The following CRLF2 variants were observed in gnomAD, a reference collection of about 807,000 sequenced individuals.
The protein encoded by CRLF2 is cytokine receptor-like factor 2.
Under a neutral mutation model 38.7 loss-of-function variants are expected in CRLF2, and 41 were observed. That is an observed-to-expected ratio of 1.06 (90% CI 0.83 to 1.37). The LOEUF (loss-of-function observed/expected upper bound fraction) is 1.37. Ranked by LOEUF, CRLF2 falls within the 40% of genes most tolerant of loss-of-function variation. CRLF2 has a pLI of 0.00. For missense variants in CRLF2, 377 were observed against 322.2 expected (o/e 1.17, Z -1.30); for synonymous variants, 140 against 128.8 (o/e 1.09, Z -0.59).
At chrX:1,208,169 A>T (rs1314633642) in intron 2 of CRLF2, among the ~76,000 whole-genome samples, 1 of 152,134 alleles carries the variant, frequency 6.6e-6, no homozygotes, top group Non-Finnish European at 1.5e-5. Flanking sequence ...TCAGAGACTG[A>T]GTCTTTCCCT....
At position 1,206,590 on chromosome X, in the gene CRLF2, A is replaced by G. The variant is rs751296874; in HGVS notation, c.192T>C (p.Gly64=). Residue 64 remains glycine, a synonymous_variant, in exon 3 of 8, where the codon GGT becomes GGC. Transcript: ENST00000400841. ...TNLTFHYRFN[G]DEAYDQCTNY... ...TGGTGCACTGGTCATAGGCCTCATC[A>G]CCGTTGAATCTGTGGTTTAAAACGA... is the stretch of plus-strand genomic sequence containing the variant. 2.7e-5 allele frequency: 44 copies of G among 1,613,362 alleles called. 1 individual carries two copies. The South Asian group carries it at 4.5e-4, about 17-fold the overall frequency.
intron 6 of CRLF2, among the ~76,000 whole-genome samples, chrX:1,194,123 T>G (rs1283867942): frequency 0.14 from 20,669 of 149,072 alleles, 1,472 homozygotes; most frequent in African/African-American, 0.19. Context: ...AGACTCCATC[T>G]CAAAAAAAAT....
intron 2 of CRLF2, 93 bp downstream of exon 2, chrX:1,208,713 A>C (rs1325790004): frequency 1.2e-6 from 1 of 809,986 alleles, no homozygotes; most frequent in African/African-American, 1.7e-5. Context: ...GATGCTTTAC[A>C]CTTTTGTTCT....
At position 1,208,841 on chromosome X, in the gene CRLF2, G is replaced by A; in HGVS notation, c.147C>T (p.Ser49=). ...AAGTCAGGTTGGTCCTGGAGTATTT[G>A]CTGGCATTCCATGTCACCTGCACGG... ...LETVQVTWNA[S]KYSRTNLTFH... The change falls in exon 2 of 8, where the codon AGC becomes AGT. Residue 49 remains serine, a synonymous_variant. Coordinates refer to ENST00000400841, the MANE Select transcript of CRLF2 (RefSeq NM_022148.4). The A allele has an allele frequency of 1.2e-6, 2 of 1,612,396 alleles. No homozygotes were observed.
intron 3 of CRLF2, 127 bp downstream of exon 3, chrX:1,206,306 G>T: frequency 1.2e-6 from 1 of 819,964 alleles, no homozygotes; most frequent in Non-Finnish European, 2.1e-6. Flanking sequence ...GGCATGGTGA[G>T]CTTGCTTCTC....
chrX:1,207,929 C>G (rs1283200954), intron 2 of CRLF2, among the ~76,000 whole-genome samples: 1 of 152,138 alleles, frequency 6.6e-6, no homozygotes, highest in Non-Finnish European at 1.5e-5. Flanking sequence ...TCTTATTTTC[C>G]AAATAACTTC....
At chrX:1,194,800 G>A (rs1445560619) in intron 6 of CRLF2, among the ~76,000 whole-genome samples, 2 of 152,258 alleles carry the variant, frequency 1.3e-5, no homozygotes, top group African/African-American at 2.4e-5. Flanking sequence ...GGGAGGCCGA[G>A]GAGGACGGAT....
intron 2 of CRLF2, among the ~76,000 whole-genome samples, chrX:1,206,898 G>A (rs1169056857): frequency 6.7e-6 from 1 of 150,356 alleles, no homozygotes; most frequent in African/African-American, 2.5e-5. Context: ...ATACACCTTG[G>A]CCTCCCAAAC....
chrX:1,209,736 C>T (rs2086762208), intron 1 of CRLF2, among the ~76,000 whole-genome samples: 1 of 152,080 alleles, frequency 6.6e-6, no homozygotes, highest in African/African-American at 2.4e-5. Context: ...CCTGTGGATA[C>T]CTAAGGTGGC....
At chrX:1,197,236 G>A (rs2086498233) in intron 5 of CRLF2, among the ~76,000 whole-genome samples, 1 of 151,208 alleles carries the variant, frequency 6.6e-6, no homozygotes, top group Admixed American at 6.6e-5. Flanking sequence ...GGGATGACAG[G>A]CATCCGCCAC....
intron 1 of CRLF2, among the ~76,000 whole-genome samples, chrX:1,210,453 A>G (rs1291630265): frequency 6.6e-6 from 1 of 152,090 alleles, no homozygotes; most frequent in Non-Finnish European, 1.5e-5. Context: ...AGCTGGGACT[A>G]CAGGCACCTG....
rs1339121263 is a variant in CRLF2, at chrX:1,190,854, G to A, written c.*43C>T. On this transcript the variant is annotated 3_prime_UTR_variant, in exon 8 of 8. Coordinates refer to ENST00000400841, the MANE Select transcript of CRLF2 (RefSeq NM_022148.4). ...GGGACAGTCCCCTCTGTCTTTAAAT[G>A]TCAACGTGGATCCTGACGTTGACTT... 9.5e-5 allele frequency: 38 copies of A among 398,694 alleles called. No individual in the cohort carries two copies. The highest frequency in any genetic ancestry group is 1.6e-4 in the Non-Finnish European group (36 of 226,094). The allele number at this position is 398,694 out of a possible 1,614,324, so 24.7% of individuals were successfully genotyped here.
intron 1 of CRLF2, among the ~76,000 whole-genome samples, chrX:1,211,140 A>G (rs1382958376): frequency 1.4e-5 from 2 of 145,400 alleles, no homozygotes; most frequent in Middle Eastern, 3.9e-3. Context: ...TCAGTGGATA[A>G]ATAAATGGAT....
intron 3 of CRLF2, 24 bp downstream of exon 3, chrX:1,206,409 G>T: frequency 6.2e-7 from 1 of 1,606,978 alleles, no homozygotes; most frequent in Non-Finnish European, 8.5e-7. Flanking sequence ...GAAAAGCATG[G>T]TGAGCTGGCT....
At chrX:1,194,674 G>A (rs2086447371) in intron 6 of CRLF2, among the ~76,000 whole-genome samples, 1 of 152,018 alleles carries the variant, frequency 6.6e-6, no homozygotes, top group Non-Finnish European at 1.5e-5. Context: ...CTCTAAAAAG[G>A]TGATGATAGT....
At chrX:1,193,414 G>A in intron 6 of CRLF2, 112 bp from the exon 7 acceptor site, 2 of 397,154 alleles carry the variant, frequency 5.0e-6, no homozygotes, top group East Asian at 3.6e-5. Context: ...TGGCAGAGCG[G>A]GGCCTTCCAC....
rs1316258840 is a variant in CRLF2, at chrX:1,198,966, T to A, written c.484-242A>T. On this transcript the variant is annotated intron_variant, in intron 4 of 7. Coordinates refer to ENST00000400841, the MANE Select transcript of CRLF2 (RefSeq NM_022148.4). ...AAGTTCGAGACCAGCCTGGCCAACATGGAGAAACCCCGTCTCTACTGATAA... is the reference window on the plus strand; with the variant it reads ...AAGTTCGAGACCAGCCTGGCCAACAAGGAGAAACCCCGTCTCTACTGATAA... The A allele has an allele frequency of 7.2e-6, 4 of 559,100 alleles. No homozygotes were observed. In the African/African-American group the frequency reaches 7.5e-5, roughly 11 times the overall value. 34.6% of individuals were successfully genotyped at this position (559,100 alleles called of 1,614,324 possible).
chrX:1,209,030 C>T (rs1428104858), intron 1 of CRLF2, 122 bp from the exon 2 acceptor site: 25 of 617,356 alleles, frequency 4.0e-5, no homozygotes, highest in African/African-American at 2.8e-4. Flanking sequence ...TACAATGGCA[C>T]GATCTCGGCT....
chrX:1,205,780 G>A (rs1408771808), intron 3 of CRLF2, among the ~76,000 whole-genome samples: 2 of 151,514 alleles, frequency 1.3e-5, no homozygotes, highest in Admixed American at 6.6e-5. Flanking sequence ...GAAAAGCATG[G>A]TGAGCTTGCT....
Sources: allele counts gnomAD v4.1 joint callset (sites outside exome capture counted in the v4.1 genomes callset), GRCh38; gene constraint gnomAD v4.1.1; transcripts MANE v1.5; gene names NCBI Gene and HGNC (gene_info 2026-07-23, HGNC 2026-07-21).